Variants in DST observed in about 807,000 individuals in gnomAD.
DST encodes the protein dystonin.
In DST, 253 loss-of-function variants were observed where a neutral mutation model predicts 875.2. The observed-to-expected ratio is 0.29, with a 90% CI of 0.26 to 0.32. DST has a LOEUF of 0.32. DST is among the 10% of genes least tolerant of loss of function. The probability of loss-of-function intolerance (pLI) is 1.00; values close to 1 mark genes in which losing one functional copy is unlikely to be tolerated. For synonymous variants in DST, 3,124 were observed against 3,197.1 expected (o/e 0.98, Z 0.77); for missense variants, 8,287 against 9,111.6 (o/e 0.91, Z 3.68).
At chr6:56,870,730 T>A (rs1045086134) in intron 3 of DST, among the ~76,000 whole-genome samples, 2 of 151,816 alleles carry the variant, frequency 1.3e-5, no homozygotes, top group African/African-American at 4.8e-5. Context: ...GCCATTACAC[T>A]CCATCCTGGG....
intron 4 of DST, among the ~76,000 whole-genome samples, chr6:56,826,088 G>A (rs1352779066): frequency 1.3e-5 from 2 of 152,222 alleles, no homozygotes; most frequent in Non-Finnish European, 2.9e-5. Context: ...ACACATGTCT[G>A]AATTATGCAA....
chr6:56,935,082 T>G (rs1184112619), intron 2 of DST, among the ~76,000 whole-genome samples: 1 of 152,208 alleles, frequency 6.6e-6, no homozygotes, highest in Non-Finnish European at 1.5e-5. Flanking sequence ...CCCGTTGCCA[T>G]AGTTTCTCGG....
chr6:56,602,622 CAT>C (rs1262196485), intron 43 of DST, among the ~76,000 whole-genome samples: 2 of 151,690 alleles, frequency 1.3e-5, no homozygotes, highest in Non-Finnish European at 2.9e-5. Flanking sequence ...GTGACTAACA[CAT>C]AAATAAATAT....
intron 93 of DST, 88 bp downstream of exon 93, chr6:56,473,785 A>G (rs1334746543): frequency 2.3e-6 from 3 of 1,325,680 alleles, no homozygotes; most frequent in East Asian, 2.5e-5. Flanking sequence ...TAAAATCACC[A>G]ATTGCCCCCA....
chr6:56,756,593 A>C (rs1032509742), intron 4 of DST, among the ~76,000 whole-genome samples: 1 of 152,206 alleles, frequency 6.6e-6, no homozygotes, highest in Non-Finnish European at 1.5e-5. Flanking sequence ...CCAGAAATGC[A>C]AGGTTGCAAA....
intron 49 of DST, among the ~76,000 whole-genome samples, chr6:56,580,877 T>A (rs1359394697): frequency 4.7e-5 from 7 of 150,456 alleles, no homozygotes; most frequent in Admixed American, 1.3e-4. Context: ...GAACCACAGG[T>A]GCATGCCACC....
rs527641383 is a variant in DST at position 56,640,037 on chromosome 6, C to T, written c.2511G>A (p.Glu837=). Reference sequence around the variant, plus strand: ...CAACACTTGGCAAATCTGAGCCCCACTCAGTGCGGTCCAGTTGTACCTTCA... The same window carrying T: ...CAACACTTGGCAAATCTGAGCCCCATTCAGTGCGGTCCAGTTGTACCTTCA... The part of the protein sequence containing the change: ...DEMQVQLDRT[E]WGSDLPSVES... The change falls in exon 19 of 104, where the codon GAG becomes GAA. Residue 837 remains glutamate (E), a synonymous_variant. Coordinates refer to ENST00000680361, the MANE Select transcript of DST (RefSeq NM_001374736.1). The T allele has an allele frequency of 6.2e-7, 1 of 1,614,084 alleles. No homozygotes were observed. The highest frequency in any genetic ancestry group is 1.3e-5 in the African/African-American group (1 of 75,044).
intron 3 of DST, among the ~76,000 whole-genome samples, chr6:56,888,302 C>T (rs1375609715): frequency 6.6e-6 from 1 of 152,034 alleles, no homozygotes; most frequent in African/African-American, 2.4e-5. Flanking sequence ...AAGGGAGGTA[C>T]AGCAATATGT....
At chr6:56,930,317 G>A (rs1592624243) in intron 2 of DST, among the ~76,000 whole-genome samples, 4 of 152,306 alleles carry the variant, frequency 2.6e-5, no homozygotes, top group Middle Eastern at 3.4e-3. Context: ...TAATGACTTC[G>A]AAGAAGGGAC....
chr6:56,625,385 A>G, intron 34 of DST, 121 bp from the exon 35 acceptor site: 1 of 707,284 alleles, frequency 1.4e-6, no homozygotes, highest in Non-Finnish European at 2.5e-6. Flanking sequence ...GTGATTTGAC[A>G]CAGATCATTA....
intron 4 of DST, among the ~76,000 whole-genome samples, chr6:56,785,244 G>A (rs1319676333): frequency 6.6e-6 from 1 of 152,220 alleles, no homozygotes; most frequent in Admixed American, 6.5e-5. Flanking sequence ...TCTCCTCAAA[G>A]CTGTCAGACA....
chr6:56,865,995 T>C (rs771187564), intron 3 of DST, among the ~76,000 whole-genome samples: 6 of 152,068 alleles, frequency 3.9e-5, no homozygotes, highest in Non-Finnish European at 7.4e-5. Context: ...TTTTTTTGTT[T>C]GTTTGTTTTG....
intron 73 of DST, 147 bp downstream of exon 73, chr6:56,511,050 C>T (rs975432599): frequency 3.0e-6 from 2 of 672,178 alleles, no homozygotes; most frequent in East Asian, 2.7e-5. Context: ...AAGCAAACAT[C>T]ACCTCTGAGG....
intron 55 of DST, 107 bp from the exon 56 acceptor site, chr6:56,562,307 A>G: frequency 1.6e-6 from 1 of 639,164 alleles, no homozygotes; most frequent in South Asian, 3.4e-5. Flanking sequence ...CACATAAAAC[A>G]CTGACTCAAC....
intron 55 of DST, among the ~76,000 whole-genome samples, chr6:56,568,017 G>T (rs773445269): frequency 6.6e-6 from 1 of 152,012 alleles, no homozygotes; most frequent in Admixed American, 6.6e-5. Flanking sequence ...AATAAAATAC[G>T]CAGGAATAAA....
At chr6:56,475,297 T>C (rs1300129718) in intron 92 of DST, among the ~76,000 whole-genome samples, 2 of 151,830 alleles carry the variant, frequency 1.3e-5, no homozygotes, top group Non-Finnish European at 2.9e-5. Flanking sequence ...TCTGGAATAT[T>C]TGTCACACTG....
intron 3 of DST, among the ~76,000 whole-genome samples, chr6:56,881,682 C>T (rs1484326099): frequency 6.6e-6 from 1 of 152,008 alleles, no homozygotes; most frequent in Non-Finnish European, 1.5e-5. Context: ...TAAAATTCTC[C>T]AACCATATTC....
At chr6:56,906,104 A>G (rs1302202876) in intron 2 of DST, among the ~76,000 whole-genome samples, 2 of 152,168 alleles carry the variant, frequency 1.3e-5, no homozygotes, top group African/African-American at 4.8e-5. Context: ...CAGAAGTGTG[A>G]TTGTTGGATC....
At chr6:56,797,960 T>G (rs2099742267) in intron 4 of DST, among the ~76,000 whole-genome samples, 1 of 152,184 alleles carries the variant, frequency 6.6e-6, no homozygotes, top group Non-Finnish European at 1.5e-5. Context: ...CGTAACTCTC[T>G]TCAATTCTAT....
Sources: gnomAD v4.1 joint callset for allele counts (sites outside exome capture counted in the v4.1 genomes callset) on GRCh38, gnomAD v4.1.1 for gene constraint, MANE v1.5 for transcripts, NCBI Gene and HGNC (gene_info 2026-07-23, HGNC 2026-07-21) for gene names.